The following CACNA2D3 variants were observed in gnomAD, a reference collection of about 807,000 sequenced individuals.
CACNA2D3 encodes voltage-dependent calcium channel subunit alpha-2/delta-3.
A neutral mutation model predicts 160.6 loss-of-function variants in CACNA2D3; 60 were observed. That is an observed-to-expected ratio of 0.37 (90% CI 0.30 to 0.46). CACNA2D3 has a LOEUF of 0.46. Ranked by LOEUF, CACNA2D3 falls within the 20% of genes least tolerant of loss-of-function variation. The pLI is 1.00. For synonymous variants in CACNA2D3, 558 were observed against 492.9 expected, an observed-to-expected ratio of 1.13 and a Z score of -1.75; for missense variants, 1,205 against 1,365.0, an observed-to-expected ratio of 0.88 and a Z score of 1.85.
intron 31 of CACNA2D3, among the ~76,000 whole-genome samples, chr3:54,988,401 C>T (rs1291135680): frequency 6.6e-6 from 1 of 152,172 alleles, no homozygotes; most frequent in South Asian, 2.1e-4. Flanking sequence ...CAGCCATGCT[C>T]TTGGGAATAC....
In CACNA2D3 at chr3:54,801,758, G is replaced by C. The variant is rs369146396; in HGVS notation, c.1381-15095G>C. On this transcript the variant is annotated intron_variant, in intron 13 of 37. Coordinates refer to ENST00000474759, the MANE Select transcript of CACNA2D3 (RefSeq NM_018398.3). ...GAAAGTATATGTGTTGCCAAGAAGG[G>C]TCTTTCTGTTCATCTTTTCCTTGCT... Among the ~76,000 whole-genome samples the C allele has an allele frequency of 2.2e-4, 34 of 152,016 alleles. 1 individual carries two copies. Among genetic ancestry groups the C allele is most frequent in the East Asian group, 1.2e-3 (6 of 5,162 alleles).
chr3:54,802,220 GCC>G (rs1703007466), intron 13 of CACNA2D3, among the ~76,000 whole-genome samples: 2 of 152,096 alleles, frequency 1.3e-5, no homozygotes, highest in Non-Finnish European at 2.9e-5. Flanking sequence ...GCAACAGGGT[GCC>G]CACATTTAAA....
chr3:55,041,938 T>C (rs2107192171), intron 35 of CACNA2D3, among the ~76,000 whole-genome samples: 1 of 152,274 alleles, frequency 6.6e-6, no homozygotes, highest in African/African-American at 2.4e-5. Flanking sequence ...CGCTTAATTT[T>C]CTAATTATTT....
chr3:54,986,430 G>A (rs979318158), intron 30 of CACNA2D3, among the ~76,000 whole-genome samples: 17 of 152,078 alleles, frequency 1.1e-4, no homozygotes, highest in Non-Finnish European at 2.4e-4. Context: ...TTACACACAC[G>A]AAATACAAAT....
chr3:54,419,873 C>A (rs1263074494), intron 4 of CACNA2D3, among the ~76,000 whole-genome samples: 1 of 152,066 alleles, frequency 6.6e-6, no homozygotes, highest in Non-Finnish European at 1.5e-5. Flanking sequence ...TCAAGCAATT[C>A]TTCTGTCTCA....
intron 11 of CACNA2D3, among the ~76,000 whole-genome samples, chr3:54,679,069 C>T (rs1003800928): frequency 1.3e-5 from 2 of 152,160 alleles, no homozygotes; most frequent in African/African-American, 4.8e-5. Flanking sequence ...TCAAGACTTA[C>T]CTGTCAGCCA....
chr3:54,313,522 G>A (rs147719233), intron 2 of CACNA2D3, among the ~76,000 whole-genome samples: 1 of 152,002 alleles, frequency 6.6e-6, no homozygotes, highest in East Asian at 1.9e-4. Flanking sequence ...CCCCACATCA[G>A]GATGGGGTCC....
chr3:54,326,347 C>CCTGT (rs1224870879), intron 3 of CACNA2D3, among the ~76,000 whole-genome samples: 2 of 152,056 alleles, frequency 1.3e-5, no homozygotes, highest in African/African-American at 4.8e-5. Context: ...TTGACTGGTG[C>CCTGT]CTGTCTACAT....
At chr3:54,257,790 G>C (rs1360710086) in intron 2 of CACNA2D3, among the ~76,000 whole-genome samples, 3 of 152,132 alleles carry the variant, frequency 2.0e-5, no homozygotes, top group African/African-American at 7.2e-5. Context: ...AAGGTGTAAT[G>C]GTCTTGCTGA....
intron 27 of CACNA2D3, among the ~76,000 whole-genome samples, chr3:54,928,862 C>T (rs371110986): frequency 2.6e-5 from 4 of 152,146 alleles, no homozygotes; most frequent in Non-Finnish European, 5.9e-5. Context: ...GAGCATCAGG[C>T]GTCAGTCGAC....
chr3:54,796,306 C>T (rs577315141), intron 13 of CACNA2D3, among the ~76,000 whole-genome samples: 2 of 152,112 alleles, frequency 1.3e-5, no homozygotes, highest in Non-Finnish European at 2.9e-5. Flanking sequence ...TGTACTTGAA[C>T]CCTAGAGTTC....
chr3:54,911,936 G>A (rs1332199459), intron 27 of CACNA2D3, among the ~76,000 whole-genome samples: 1 of 152,184 alleles, frequency 6.6e-6, no homozygotes, highest in African/African-American at 2.4e-5. Flanking sequence ...TACAGTACCT[G>A]TGAGTCAGGA....
chr3:54,896,942 G>C, intron 26 of CACNA2D3, 72 bp downstream of exon 26: 1 of 1,596,534 alleles, frequency 6.3e-7, no homozygotes, highest in Non-Finnish European at 8.6e-7. Context: ...GCAGGGTGTT[G>C]GGGAGCTGCC....
chr3:54,893,582 G>A (rs1700118138), intron 25 of CACNA2D3, among the ~76,000 whole-genome samples: 1 of 152,034 alleles, frequency 6.6e-6, no homozygotes, highest in Admixed American at 6.5e-5. Flanking sequence ...CTGACTTTTG[G>A]TTTAGTTTTT....
chr3:54,463,668 C>T (rs1444549114), intron 4 of CACNA2D3, among the ~76,000 whole-genome samples: 8 of 151,996 alleles, frequency 5.3e-5, no homozygotes, highest in Non-Finnish European at 7.4e-5. Context: ...GTTATACATT[C>T]GTCTAAGTTT....
chr3:54,200,199 G>T (rs966350814), intron 2 of CACNA2D3, among the ~76,000 whole-genome samples: 19 of 152,234 alleles, frequency 1.2e-4, no homozygotes, highest in Non-Finnish European at 1.5e-5. Context: ...TGATGTAGCT[G>T]AGATCCAGGC....
intron 27 of CACNA2D3, among the ~76,000 whole-genome samples, chr3:54,935,181 G>A (rs1701299039): frequency 6.6e-6 from 1 of 152,182 alleles, no homozygotes; most frequent in Admixed American, 6.5e-5. Flanking sequence ...TCCTTGCTGG[G>A]GAACTTCAGA....
intron 27 of CACNA2D3, chr3:54,918,582 T>A (rs1207307100): frequency 6.2e-7 from 1 of 1,614,154 alleles, no homozygotes; most frequent in South Asian, 1.1e-5. Context: ...AGATGGCAGC[T>A]GCCAACATCA....
chr3:55,074,058 GTTGAAGGTGTCCTGGAGT>G, intron 37 of CACNA2D3, 38 bp from the exon 38 acceptor site: 1 of 1,441,474 alleles, frequency 6.9e-7, no homozygotes. Flanking sequence ...TCTGGGGAAA[GTTGAAGGTGTCCTGGAGT>G]CTATTTCCGT....
Sources: gnomAD v4.1 joint callset for allele counts (sites outside exome capture counted in the v4.1 genomes callset) on GRCh38, gnomAD v4.1.1 for gene constraint, MANE v1.5 for transcripts, NCBI Gene and HGNC (gene_info 2026-07-23, HGNC 2026-07-21) for gene names.